Variants in MYOZ3 observed in about 807,000 individuals in gnomAD.
MYOZ3 encodes myozenin-3.
A neutral mutation model predicts 26.5 loss-of-function variants in MYOZ3; 19 were observed. That is an observed-to-expected ratio of 0.72 (90% CI 0.50 to 1.05). The LOEUF is 1.05. MYOZ3 is among the 50% of genes least tolerant of loss of function. The probability of loss-of-function intolerance (pLI) is 0.00; values close to 1 mark genes in which losing one functional copy is unlikely to be tolerated. For synonymous variants in MYOZ3, 135 were observed against 138.8 expected (o/e 0.97, Z 0.19); for missense variants, 322 against 337.1 (o/e 0.96, Z 0.35).
chr5:150,662,728 G>T (rs963542944), intron 1 of MYOZ3, among the ~76,000 whole-genome samples: 1 of 152,160 alleles, frequency 6.6e-6, no homozygotes, highest in East Asian at 1.9e-4. Flanking sequence ...AAATAGATTC[G>T]TGCAAACTTG....
At chr5:150,663,993 TA>T (rs1183750404) in intron 2 of MYOZ3, among the ~76,000 whole-genome samples, 2,748 of 129,576 alleles carry the variant, frequency 0.021, 51 homozygotes, top group African/African-American at 0.062. Context: ...ACTCTGTCTC[TA>T]AAAAAAAAAA....
rs1304042485 is a variant in MYOZ3, at chr5:150,666,626, A to T, written c.61+3624A>T. Among the ~76,000 whole-genome samples the T allele has an allele frequency of 1.2e-3, 170 of 142,084 alleles. 1 individual carries two copies. The highest frequency in any genetic ancestry group is 4.3e-3 in the African/African-American group (157 of 36,830). 93.2% of individuals were successfully genotyped at this position (142,084 alleles called of 152,430 possible). A position where few individuals can be genotyped will look rare whatever the true frequency, so the allele number is the denominator to read the frequency against. On this transcript the variant is annotated intron_variant, in intron 2 of 6. Transcript: ENST00000517768. ...AAGACTCTGTCTCAAAAAAAAAAAAAAAAAATATATATATATATATATACA... is the reference window on the plus strand; with the variant it reads ...AAGACTCTGTCTCAAAAAAAAAAAATAAAAATATATATATATATATATACA...
At chr5:150,666,265 G>A (rs994267528) in intron 2 of MYOZ3, among the ~76,000 whole-genome samples, 2 of 151,800 alleles carry the variant, frequency 1.3e-5, no homozygotes, top group Non-Finnish European at 2.9e-5. Context: ...TGTCTCCTTG[G>A]CATGTCTCCT....
intron 2 of MYOZ3, among the ~76,000 whole-genome samples, chr5:150,665,931 A>G (rs928630655): frequency 1.3e-5 from 2 of 151,178 alleles, no homozygotes; most frequent in African/African-American, 4.9e-5. Flanking sequence ...GCTACTCGGG[A>G]GGCTGAGGCA....
intron 2 of MYOZ3, among the ~76,000 whole-genome samples, chr5:150,665,685 T>G (rs1758796890): frequency 6.6e-6 from 1 of 152,086 alleles, no homozygotes; most frequent in Admixed American, 6.5e-5. Context: ...CACTTTGCCC[T>G]CTGCAAGTGC....
chr5:150,667,377 G>A (rs1050674820), intron 2 of MYOZ3, among the ~76,000 whole-genome samples: 1 of 152,058 alleles, frequency 6.6e-6, no homozygotes, highest in Non-Finnish European at 1.5e-5. Flanking sequence ...AACCAGAAGA[G>A]AACATCTGCA....
chr5:150,675,841 G>A (rs772618063), intron 6 of MYOZ3, among the ~76,000 whole-genome samples: 8 of 152,138 alleles, frequency 5.3e-5, no homozygotes, highest in African/African-American at 1.2e-4. Context: ...GTGAAGATGC[G>A]GGGTGACATA....
At chr5:150,667,014 C>T (rs1056842415) in intron 2 of MYOZ3, among the ~76,000 whole-genome samples, 1 of 152,158 alleles carries the variant, frequency 6.6e-6, no homozygotes, top group Non-Finnish European at 1.5e-5. Context: ...CCTCCTCTGC[C>T]TCCCAAAGTG....
At chr5:150,673,960 C>T (rs1021513707) in intron 6 of MYOZ3, among the ~76,000 whole-genome samples, 3 of 152,104 alleles carry the variant, frequency 2.0e-5, no homozygotes, top group East Asian at 1.9e-4. Flanking sequence ...CTAAGACAGA[C>T]GGGTGGGCGC....
chr5:150,663,501 G>A (rs972949733), intron 2 of MYOZ3, among the ~76,000 whole-genome samples: 2 of 152,188 alleles, frequency 1.3e-5, no homozygotes, highest in African/African-American at 4.8e-5. Context: ...GTGGAGCAGG[G>A]TGGGAAGAGC....
At chr5:150,668,599 C>T (rs1162660099) in intron 2 of MYOZ3, among the ~76,000 whole-genome samples, 1 of 152,190 alleles carries the variant, frequency 6.6e-6, no homozygotes, top group Non-Finnish European at 1.5e-5. Context: ...ATTTATGGAG[C>T]TGGAATATGA....
chr5:150,672,363 G>T lies in MYOZ3; in HGVS notation c.448G>T (p.Val150Phe). 2 of 1,610,686 alleles carry T rather than the reference G, an allele frequency of 1.2e-6. No individual in the cohort carries two copies. The highest frequency in any genetic ancestry group is 1.7e-6 in the Non-Finnish European group (2 of 1,178,774). The stretch of plus-strand genomic sequence containing the variant: ...AGGCTATGCGGAGCCGCTGAAGGGC[G>T]TCCCGCCAGAGAAGTTCAACCACAC... Reference protein sequence around the residue: ...APGYAEPLKGVPPEKFNHTAI... With the variant: ...APGYAEPLKGFPPEKFNHTAI... Residue 150 changes from valine to phenylalanine, a missense_variant, in exon 6 of 7, where the codon GTC becomes TTC. Coordinates refer to ENST00000517768, the MANE Select transcript of MYOZ3 (RefSeq NM_001122853.3).
At chr5:150,674,483 A>G (rs1158365895) in intron 6 of MYOZ3, among the ~76,000 whole-genome samples, 1 of 152,222 alleles carries the variant, frequency 6.6e-6, no homozygotes, top group East Asian at 1.9e-4. Flanking sequence ...CTCCCAGTCA[A>G]GGGCCTGACT....
chr5:150,667,427 A>G (rs1758826889), intron 2 of MYOZ3, among the ~76,000 whole-genome samples: 1 of 151,948 alleles, frequency 6.6e-6, no homozygotes, highest in Non-Finnish European at 1.5e-5. Flanking sequence ...TTGCATCTGC[A>G]CCCGTGTTTG....
chr5:150,662,513 C>G (rs1758749804), intron 1 of MYOZ3, among the ~76,000 whole-genome samples: 1 of 152,244 alleles, frequency 6.6e-6, no homozygotes, highest in South Asian at 2.1e-4. Flanking sequence ...AGTCCATCCT[C>G]CCCCTTCCCC....
chr5:150,671,753 A>G lies in MYOZ3; in HGVS notation c.271-2A>G, dbSNP rs143036945. The G allele has an allele frequency of 9.7e-4, 1,558 of 1,613,326 alleles. 4 individuals carry two copies. The highest frequency in any genetic ancestry group is 1.2e-3 in the Non-Finnish European group (1,474 of 1,179,938). On this transcript the variant is annotated splice_acceptor_variant, in intron 4 of 6. Coordinates refer to ENST00000517768, the MANE Select transcript of MYOZ3 (RefSeq NM_001122853.3). LOFTEE classifies it high-confidence loss of function. The stretch of plus-strand genomic sequence containing the variant: ...CCTCTGAGAACCCGCCCCTGTGCCC[A>G]GGTTGCCAATGCCAATGGCCCTGAG...
chr5:150,662,987 G>A lies in MYOZ3; in HGVS notation c.46G>A (p.Asp16Asn), dbSNP rs1428355199. 1 of 1,611,720 alleles carries A rather than the reference G, an allele frequency of 6.2e-7. No homozygotes were observed. ...GGGGCCAGTGATGGCTGCCATGGGG[G>A]ACCTCACTGAACCAGGTAAGGTGGT... The part of the protein sequence containing the change: ...QKGPVMAAMG[D>N]LTEPVPTLDL... The change falls in exon 2 of 7, where the codon GAC (aspartate) becomes AAC (asparagine). Residue 16 changes from aspartate to asparagine, a missense_variant. Physicochemically the swap from Asp to Asn is conservative, Grantham distance 23. Coordinates refer to ENST00000517768, the MANE Select transcript of MYOZ3 (RefSeq NM_001122853.3).
chr5:150,678,402 C>G lies in MYOZ3; in HGVS notation c.*1527C>G, dbSNP rs1397177996. On this transcript the variant is annotated 3_prime_UTR_variant, in exon 7 of 7. Coordinates refer to ENST00000517768, the MANE Select transcript of MYOZ3 (RefSeq NM_001122853.3). Reference sequence around the variant, plus strand: ...AACCCTGAGAGAAAGATATTGTTGTCCCCACTTTACAGATGTGGATATTTA... The same window carrying G: ...AACCCTGAGAGAAAGATATTGTTGTGCCCACTTTACAGATGTGGATATTTA... The G allele has an allele frequency of 6.6e-6, 1 of 152,302 alleles. No homozygotes were observed. The highest frequency in any genetic ancestry group is 1.5e-5 in the Non-Finnish European group (1 of 68,044). 9.4% of individuals were successfully genotyped at this position (152,302 alleles called of 1,614,324 possible). A position where few individuals can be genotyped will look rare whatever the true frequency, so the allele number is the denominator to read the frequency against.
In MYOZ3 at chr5:150,679,207, A is replaced by G. The variant is rs1759066322; in HGVS notation, c.*2332A>G. 6.6e-6 allele frequency: 1 copy of G among 152,324 alleles called. No homozygotes were observed. Among genetic ancestry groups the G allele is most frequent in the Non-Finnish European group, 1.5e-5 (1 of 68,042 alleles). 9.4% of individuals were successfully genotyped at this position (152,324 alleles called of 1,614,324 possible). ...AGGTTGGTTCTGCTGTGCTCTGGAAAGTAACTGCAGCCACCAGGTATGAAA... is the reference window on the plus strand; with the variant it reads ...AGGTTGGTTCTGCTGTGCTCTGGAAGGTAACTGCAGCCACCAGGTATGAAA... On this transcript the variant is annotated 3_prime_UTR_variant, in exon 7 of 7. Transcript: ENST00000517768.
Sources: gnomAD v4.1 joint callset for allele counts (sites outside exome capture counted in the v4.1 genomes callset) on GRCh38, gnomAD v4.1.1 for gene constraint, MANE v1.5 for transcripts, NCBI Gene and HGNC (gene_info 2026-07-23, HGNC 2026-07-21) for gene names.